Variants in PITPNM3 observed in about 807,000 individuals in gnomAD.
PITPNM3 encodes PITPNM family member 3, also known as membrane-associated phosphatidylinositol transfer protein 3.
Under a neutral mutation model 102.0 loss-of-function variants are expected in PITPNM3, and 26 were observed. The observed-to-expected ratio is 0.25, with a 90% confidence interval of 0.19 to 0.35. PITPNM3 has a LOEUF of 0.35. PITPNM3 is among the 10% of genes least tolerant of loss of function. The pLI is 1.00. For synonymous variants in PITPNM3, 578 were observed against 558.6 expected, an observed-to-expected ratio of 1.03 and a Z score of -0.49; for missense variants, 1,083 against 1,346.1, an observed-to-expected ratio of 0.80 and a Z score of 3.06.
intron 4 of PITPNM3, among the ~76,000 whole-genome samples, chr17:6,499,615 A>G (rs1360058226): frequency 2.6e-5 from 4 of 152,220 alleles, no homozygotes; most frequent in Non-Finnish European, 4.4e-5. Context: ...AGAACTTTCT[A>G]TCCAGCCTGT....
Position 6,535,708 on chromosome 17 carries a change from A to C in PITPNM3, c.118+2279T>G, listed in dbSNP as rs1463100469. Among the ~76,000 whole-genome samples, 82 of 150,700 alleles carry C rather than the reference A, an allele frequency of 5.4e-4. 2 individuals are homozygous for C. In the East Asian group the frequency reaches 7.4e-3, roughly 14 times the overall value. On this transcript the variant is annotated intron_variant, in intron 2 of 19. Coordinates refer to ENST00000262483, the MANE Select transcript of PITPNM3 (RefSeq NM_031220.4). ...CCAAGGCAGGCAGATCACTTGAGGTAAGGAGTTCAAGACCAGCCTGGCCAA... is the reference window on the plus strand; with the variant it reads ...CCAAGGCAGGCAGATCACTTGAGGTCAGGAGTTCAAGACCAGCCTGGCCAA...
chr17:6,498,104 T>C (rs1188755724), intron 4 of PITPNM3, among the ~76,000 whole-genome samples: 1 of 152,148 alleles, frequency 6.6e-6, no homozygotes, highest in African/African-American at 2.4e-5. Context: ...GGTGGTGGCA[T>C]ATTGCAGCAG....
chr17:6,544,011 C>T (rs1441910534), intron 1 of PITPNM3, among the ~76,000 whole-genome samples: 2 of 152,194 alleles, frequency 1.3e-5, no homozygotes, highest in Admixed American at 1.3e-4. Context: ...TGTCTGCTGG[C>T]AGCTGTGACT....
intron 1 of PITPNM3, among the ~76,000 whole-genome samples, chr17:6,550,704 C>G (rs990708735): frequency 6.6e-5 from 10 of 152,182 alleles, no homozygotes; most frequent in African/African-American, 2.2e-4. Flanking sequence ...CCAATCTGAC[C>G]CAGACATGGC....
rs1904908790 is a variant in PITPNM3, at chr17:6,468,683, C to T, written c.1774-342G>A. ...GCCGGCTTGAGTCCTGATCCCAGCC[C>T]CTCCTTGCTTCTTGAGGACGTTGCT... On this transcript the variant is annotated intron_variant, in intron 13 of 19. Coordinates refer to ENST00000262483, the MANE Select transcript of PITPNM3 (RefSeq NM_031220.4). The surrounding 1 kb of genome is among the most constrained non-coding windows in gnomAD (Gnocchi z 5.2). Among the ~76,000 whole-genome samples, 2 of 152,178 alleles carry T rather than the reference C, an allele frequency of 1.3e-5. No individual in the cohort carries two copies. The highest frequency in any genetic ancestry group is 4.1e-4 in the South Asian group (2 of 4,826).
At chr17:6,536,311 C>T (rs562643821) in intron 2 of PITPNM3, among the ~76,000 whole-genome samples, 1 of 152,268 alleles carries the variant, frequency 6.6e-6, no homozygotes, top group East Asian at 1.9e-4. Context: ...CTCGCGCCAC[C>T]CACAGATGCC....
chr17:6,498,619 G>A (rs560497138), intron 4 of PITPNM3, among the ~76,000 whole-genome samples: 1 of 152,168 alleles, frequency 6.6e-6, no homozygotes, highest in Non-Finnish European at 1.5e-5. Flanking sequence ...AGAAGATAGG[G>A]CCTCAACTAG....
intron 4 of PITPNM3, among the ~76,000 whole-genome samples, chr17:6,487,078 C>T (rs907807184): frequency 2.6e-5 from 4 of 152,058 alleles, no homozygotes; most frequent in Admixed American, 6.6e-5. Context: ...ATGGTGTGTG[C>T]GGCTGTGTGT....
chr17:6,509,911 G>C (rs1028344769), intron 3 of PITPNM3, among the ~76,000 whole-genome samples: 3 of 152,042 alleles, frequency 2.0e-5, no homozygotes, highest in Non-Finnish European at 2.9e-5. Context: ...GGCATTCAAG[G>C]CCTTCATCTC....
At chr17:6,532,645 CCATATTGTTG>C (rs1385659109) in intron 2 of PITPNM3, among the ~76,000 whole-genome samples, 3 of 152,142 alleles carry the variant, frequency 2.0e-5, no homozygotes, top group African/African-American at 7.2e-5. Context: ...TGAGATTTAT[CCATATTGTTG>C]CATATATCCG....
chr17:6,483,930 C>T (rs972557636), intron 5 of PITPNM3, among the ~76,000 whole-genome samples, 178 bp from the exon 6 acceptor site: 1 of 152,176 alleles, frequency 6.6e-6, no homozygotes, highest in African/African-American at 2.4e-5. Flanking sequence ...ATCTGAGGAG[C>T]AGTCTCAGCT....
At chr17:6,528,607 C>G (rs976297124) in intron 2 of PITPNM3, among the ~76,000 whole-genome samples, 2 of 152,074 alleles carry the variant, frequency 1.3e-5, no homozygotes, top group African/African-American at 4.8e-5. Flanking sequence ...GTGGCCCTCT[C>G]TCCCTCCTGC....
rs181195328 is a variant in PITPNM3, at chr17:6,553,746, G to A, written c.22+2639C>T. Among the ~76,000 whole-genome samples, 531 of 151,184 alleles carry A rather than the reference G, an allele frequency of 3.5e-3. 2 individuals carry two copies. Among genetic ancestry groups the A allele is most frequent in the South Asian group, 8.7e-3 (41 of 4,736 alleles). On this transcript the variant is annotated intron_variant, in intron 1 of 19. Transcript: ENST00000262483. ...GCCCTTTGTTCCTGTGTCACCCCCC[G>A]CCGCCCCACCCCGCCAGAGTGAAGG...
Position 6,469,696 on chromosome 17 carries a change from G to A in PITPNM3, c.1773+564C>T, listed in dbSNP as rs1003749826. Reference sequence around the variant, plus strand: ...GAGGCCTCATGGTTCCTCTCCTGCCGTGAAAACAGCAGCCTCAGCCTCAGG... The same window carrying A: ...GAGGCCTCATGGTTCCTCTCCTGCCATGAAAACAGCAGCCTCAGCCTCAGG... On this transcript the variant is annotated intron_variant, in intron 13 of 19. Coordinates refer to ENST00000262483, the MANE Select transcript of PITPNM3 (RefSeq NM_031220.4). The surrounding 1 kb of genome is among the most constrained non-coding windows in gnomAD (Gnocchi z 4.0). Among the ~76,000 whole-genome samples, 11 of 152,268 alleles carry A rather than the reference G, an allele frequency of 7.2e-5. No individual in the cohort carries two copies. Among genetic ancestry groups the A allele is most frequent in the South Asian group, 2.1e-4 (1 of 4,824 alleles).
chr17:6,509,531 G>A (rs986575571), intron 3 of PITPNM3, among the ~76,000 whole-genome samples: 2 of 152,152 alleles, frequency 1.3e-5, no homozygotes, highest in African/African-American at 4.8e-5. Flanking sequence ...CCCCTTACTG[G>A]GCATTGGGAG....
intron 2 of PITPNM3, among the ~76,000 whole-genome samples, chr17:6,527,658 G>C (rs536934333): frequency 2.4e-4 from 36 of 152,282 alleles, no homozygotes; most frequent in Middle Eastern, 3.4e-3. Context: ...ACTCAAGCAT[G>C]GAGCTATCCA....
At position 6,454,065 on chromosome 17, in the gene PITPNM3, G is replaced by A. The variant is rs1468624726; in HGVS notation, c.*1273C>T. On this transcript the variant is annotated 3_prime_UTR_variant, in exon 20 of 20. Transcript: ENST00000262483. ...TTATGGGCACAAACTGAGCAGCAGG[G>A]GAAAGGGAAGAGAATACAACAGTTG... The A allele has an allele frequency of 1.3e-5, 2 of 152,504 alleles. No individual in the cohort carries two copies. Among genetic ancestry groups the A allele is most frequent in the African/African-American group, 4.8e-5 (2 of 41,474 alleles). The allele number at this position is 152,504 out of a possible 1,614,324, so 9.4% of individuals were successfully genotyped here.
intron 6 of PITPNM3, chr17:6,481,281 T>G (rs1177242792): frequency 2.0e-5 from 3 of 149,952 alleles, no homozygotes; most frequent in African/African-American, 7.4e-5. Flanking sequence ...GGCATCCCCA[T>G]AGCTAGTATC....
chr17:6,507,536 A>T (rs1258498206), intron 3 of PITPNM3, among the ~76,000 whole-genome samples: 2 of 152,166 alleles, frequency 1.3e-5, no homozygotes, highest in East Asian at 3.9e-4. Context: ...GTGAGCCGAG[A>T]TAGTGCCACT....
Sources: allele counts gnomAD v4.1 joint callset (sites outside exome capture counted in the v4.1 genomes callset), GRCh38; gene constraint gnomAD v4.1.1; non-coding constraint Gnocchi (gnomAD v3.1); transcripts MANE v1.5; gene names NCBI Gene and HGNC (gene_info 2026-07-23, HGNC 2026-07-21).